FOXRED1: variants seen among roughly 807,000 people sequenced by gnomAD.
FOXRED1 encodes the protein FAD dependent oxidoreductase domain containing 1, also known as FAD-dependent oxidoreductase domain-containing protein 1.
A neutral mutation model predicts 57.8 loss-of-function variants in FOXRED1; 52 were observed. That is an observed-to-expected ratio of 0.90 (90% CI 0.72 to 1.13). The LOEUF (loss-of-function observed/expected upper bound fraction) is 1.13. Ranked by LOEUF, FOXRED1 falls within the 50% of genes most tolerant of loss-of-function variation. The pLI is 0.00. For synonymous variants in FOXRED1, 271 were observed against 248.3 expected (o/e 1.09, Z -0.86); for missense variants, 589 against 625.2 (o/e 0.94, Z 0.62).
At chr11:126,270,411 C>T (rs1950950313) in intron 1 of FOXRED1, among the ~76,000 whole-genome samples, 1 of 152,218 alleles carries the variant, frequency 6.6e-6, no homozygotes, top group African/African-American at 2.4e-5. Context: ...AAGGTAAACA[C>T]AGCCTCCCCC....
rs1591551962 is a variant in FOXRED1 at position 126,275,086 on chromosome 11, T to C, written c.631+65T>C. ...GATGGAGACTAAGGGGTGCTACACG[T>C]TGGGAGTCTCGGTACTCCACAGCCA... is the stretch of plus-strand genomic sequence containing the variant. On this transcript the variant is annotated intron_variant, in intron 5 of 10. Coordinates refer to ENST00000263578, the MANE Select transcript of FOXRED1 (RefSeq NM_017547.4). This position sits in a 1 kb window ranked among gnomAD's most constrained non-coding sequence, Gnocchi z 5.9. 3.5e-6 allele frequency: 4 copies of C among 1,126,862 alleles called. No individual in the cohort carries two copies. The highest frequency in any genetic ancestry group is 5.4e-6 in the Non-Finnish European group (4 of 738,124). The allele number at this position is 1,126,862 out of a possible 1,614,324, so 69.8% of individuals were successfully genotyped here.
In FOXRED1 at chr11:126,273,163, C is replaced by T; in HGVS notation, c.417+84C>T. The T allele has an allele frequency of 9.9e-7, 1 of 1,008,152 alleles. No individual in the cohort carries two copies. The highest frequency in any genetic ancestry group is 1.7e-5 in the Admixed American group (1 of 59,132). The allele number at this position is 1,008,152 out of a possible 1,614,324, so 62.5% of individuals were successfully genotyped here. On this transcript the variant is annotated intron_variant, in intron 3 of 10. Coordinates refer to ENST00000263578, the MANE Select transcript of FOXRED1 (RefSeq NM_017547.4). The surrounding 1 kb of genome is among the most constrained non-coding windows in gnomAD (Gnocchi z 5.9). ...GGAGCAGCCCAGCTAGCAAGGTAGC[C>T]AGAGAGCAAGAATGGGTCAGCCAAC...
Position 126,277,111 on chromosome 11 carries a change from A to G in FOXRED1, c.1142A>G (p.Asp381Gly). 2.5e-6 allele frequency: 4 copies of G among 1,613,534 alleles called. No individual in the cohort carries two copies. Among genetic ancestry groups the G allele is most frequent in the Non-Finnish European group, 3.4e-6 (4 of 1,179,862 alleles). The change falls in exon 10 of 11, where the codon GAT becomes GGT. Residue 381 changes from aspartate to glycine, a missense_variant. By Grantham distance (94) the Asp-to-Gly change is moderately conservative. Transcript: ENST00000263578. This position sits in a 1 kb window ranked among gnomAD's most constrained non-coding sequence, Gnocchi z 6.8. ...CCGGCGAACCTGGAAGTGGACCATG[A>G]TTTCTTCCAGGACAAGGTGTGGCCC... is the stretch of plus-strand genomic sequence containing the variant. ...PDPANLEVDH[D>G]FFQDKVWPHL...
chr11:126,274,807 G>T lies in FOXRED1; in HGVS notation c.537-120G>T. The T allele has an allele frequency of 1.3e-6, 1 of 767,512 alleles. No individual in the cohort carries two copies. The highest frequency in any genetic ancestry group is 2.4e-6 in the Non-Finnish European group (1 of 414,558). 47.5% of individuals were successfully genotyped at this position (767,512 alleles called of 1,614,324 possible). A position where few individuals can be genotyped will look rare whatever the true frequency, so the allele number is the denominator to read the frequency against. ...GCAATGAGGAAAAATAGGGGCATTT[G>T]GGGCAGAGAAGTGACATGACTGAGC... On this transcript the variant is annotated intron_variant, in intron 4 of 10. Transcript: ENST00000263578. This position sits in a 1 kb window ranked among gnomAD's most constrained non-coding sequence, Gnocchi z 4.8.
intron 1 of FOXRED1, among the ~76,000 whole-genome samples, chr11:126,269,753 G>A (rs1287075728): frequency 6.6e-6 from 1 of 152,026 alleles, no homozygotes; most frequent in Non-Finnish European, 1.5e-5. Context: ...TTGGGAGGTC[G>A]AGGCGGGTGG....
chr11:126,272,495 G>A lies in FOXRED1; in HGVS notation c.307-474G>A, dbSNP rs1045613112. ...TTTTGTAGAAATGGGGTTTTGCCACGTTGCCCAGCTGGTCTCAGATTCCTG... is the reference window on the plus strand; with the variant it reads ...TTTTGTAGAAATGGGGTTTTGCCACATTGCCCAGCTGGTCTCAGATTCCTG... On this transcript the variant is annotated intron_variant, in intron 2 of 10. Coordinates refer to ENST00000263578, the MANE Select transcript of FOXRED1 (RefSeq NM_017547.4). This position sits in a 1 kb window ranked among gnomAD's most constrained non-coding sequence, Gnocchi z 4.6. 4.3e-5 allele frequency: 10 copies of A among 230,638 alleles called. No homozygotes were observed. The highest frequency in any genetic ancestry group is 1.2e-4 in the African/African-American group (5 of 43,264). The allele number at this position is 230,638 out of a possible 1,614,324, so 14.3% of individuals were successfully genotyped here. A position where few individuals can be genotyped will look rare whatever the true frequency, so the allele number is the denominator to read the frequency against.
Position 126,272,960 on chromosome 11 carries a change from T to C in FOXRED1, c.307-9T>C, listed in dbSNP as rs747641223. The stretch of plus-strand genomic sequence containing the variant: ...CTGGTCTACCTCAACTTTTCTTGTC[T>C]TTCCACAGTATTCACAGGCCTCCAC... On this transcript the variant is annotated splice_polypyrimidine_tract_variant and intron_variant, in intron 2 of 10. Transcript: ENST00000263578. The surrounding 1 kb of genome is among the most constrained non-coding windows in gnomAD (Gnocchi z 4.6). 7.0e-7 allele frequency: 1 copy of C among 1,432,852 alleles called. No individual in the cohort carries two copies. Among genetic ancestry groups the C allele is most frequent in the East Asian group, 2.3e-5 (1 of 44,048 alleles). 88.8% of individuals were successfully genotyped at this position (1,432,852 alleles called of 1,614,324 possible). A position where few individuals can be genotyped will look rare whatever the true frequency, so the allele number is the denominator to read the frequency against.
Position 126,275,764 on chromosome 11 carries a change from A to C in FOXRED1, c.734-30A>C. 1 of 1,455,044 alleles carries C rather than the reference A, an allele frequency of 6.9e-7. No homozygotes were observed. Among genetic ancestry groups the C allele is most frequent in the Non-Finnish European group, 9.7e-7 (1 of 1,035,754 alleles). 90.1% of individuals were successfully genotyped at this position (1,455,044 alleles called of 1,614,324 possible). ...CATTTCATTCCTCTTCAGCACCTCTACGGCCTATTTTTCATTTTCTTCTCT... is the reference window on the plus strand; with the variant it reads ...CATTTCATTCCTCTTCAGCACCTCTCCGGCCTATTTTTCATTTTCTTCTCT... On this transcript the variant is annotated intron_variant, in intron 6 of 10. Coordinates refer to ENST00000263578, the MANE Select transcript of FOXRED1 (RefSeq NM_017547.4). This position sits in a 1 kb window ranked among gnomAD's most constrained non-coding sequence, Gnocchi z 5.9.
chr11:126,276,132 C>A lies in FOXRED1; in HGVS notation c.884C>A (p.Ser295Tyr), dbSNP rs888954197. Reference sequence around the variant, plus strand: ...GTGATCAACGCAGCCGGAGCCTGGTCTGCGCAAATCGCAGCACTGGCTGGT... The same window carrying A: ...GTGATCAACGCAGCCGGAGCCTGGTATGCGCAAATCGCAGCACTGGCTGGT... ...AIVINAAGAWSAQIAALAGVG... is the reference protein window; with the variant it reads ...AIVINAAGAWYAQIAALAGVG... Residue 295 changes from serine (S) to tyrosine (Y), a missense_variant, in exon 8 of 11, where the codon TCT becomes TAT. Coordinates refer to ENST00000263578, the MANE Select transcript of FOXRED1 (RefSeq NM_017547.4). The A allele has an allele frequency of 1.2e-6, 2 of 1,612,410 alleles. No homozygotes were observed. Among genetic ancestry groups the A allele is most frequent in the Non-Finnish European group, 1.7e-6 (2 of 1,179,880 alleles).
intron 9 of FOXRED1, chr11:126,276,833 G>T (rs1035658069): frequency 2.0e-6 from 1 of 503,738 alleles, no homozygotes; most frequent in Non-Finnish European, 3.6e-6. Flanking sequence ...CCAAGATTGC[G>T]CCATTGCACT....
chr11:126,277,538 T>A lies in FOXRED1; in HGVS notation c.1310T>A (p.Phe437Tyr). Residue 437 changes from phenylalanine to tyrosine, a missense_variant, in exon 11 of 11, where the codon TTC (phenylalanine) becomes TAC (tyrosine). Transcript: ENST00000263578. The surrounding 1 kb of genome is among the most constrained non-coding windows in gnomAD (Gnocchi z 6.8). ...LVVNMYFATGFSGHGLQQAPG... is the reference protein window; with the variant it reads ...LVVNMYFATGYSGHGLQQAPG... ...GTCAACATGTACTTTGCTACTGGCT[T>A]CAGTGGTCACGGGCTCCAGCAGGCC... is the stretch of plus-strand genomic sequence containing the variant. The A allele has an allele frequency of 6.2e-7, 1 of 1,613,756 alleles. No individual in the cohort carries two copies. The highest frequency in any genetic ancestry group is 8.5e-7 in the Non-Finnish European group (1 of 1,180,028).
chr11:126,277,451 C>A lies in FOXRED1; in HGVS notation c.1223C>A (p.Ala408Asp). 6.2e-7 allele frequency: 1 copy of A among 1,613,128 alleles called. No homozygotes were observed. The highest frequency in any genetic ancestry group is 8.5e-7 in the Non-Finnish European group (1 of 1,179,972). ...FETLKVQSAW[A>D]GYYDYNTFDQ... ...CACCCGCAGGTTCAGAGCGCCTGGG[C>A]CGGCTATTACGACTACAACACCTTT... The change falls in exon 11 of 11, where the codon GCC (alanine) becomes GAC (aspartate). Residue 408 changes from alanine (A) to aspartate (D), a missense_variant. Physicochemically the swap from Ala to Asp is moderately radical, Grantham distance 126 (BLOSUM62 -2). Coordinates refer to ENST00000263578, the MANE Select transcript of FOXRED1 (RefSeq NM_017547.4). The surrounding 1 kb of genome is among the most constrained non-coding windows in gnomAD (Gnocchi z 6.8).
In FOXRED1 at chr11:126,271,594, G is replaced by T; in HGVS notation, c.243G>T (p.Trp81Cys). 1.2e-6 allele frequency: 2 copies of T among 1,614,200 alleles called. No individual in the cohort carries two copies. The highest frequency in any genetic ancestry group is 1.7e-6 in the Non-Finnish European group (2 of 1,180,034). Residue 81 changes from tryptophan to cysteine, a missense_variant, in exon 2 of 11, where the codon TGG becomes TGT. Coordinates refer to ENST00000263578, the MANE Select transcript of FOXRED1 (RefSeq NM_017547.4). The surrounding 1 kb of genome is among the most constrained non-coding windows in gnomAD (Gnocchi z 5.3). ...GGVLGLSVAY[W>C]LKKLESRRGA... ...TGCTTGGCTTGTCTGTGGCCTATTG[G>T]CTGAAGAAGCTGGAGAGCAGACGAG...
chr11:126,276,026 G>A (rs1951118938), intron 7 of FOXRED1, 33 bp from the exon 8 acceptor site: 1 of 1,612,766 alleles, frequency 6.2e-7, no homozygotes, highest in African/African-American at 1.3e-5. Context: ...TGTGGTCCGG[G>A]CCTTCCCACT....
chr11:126,272,286 G>C lies in FOXRED1; in HGVS notation c.306+629G>C, dbSNP rs1019985856. ...CCTCAACTTGCTTCTTTTGGGTCCC[G>C]TTACTTCTGAGGTTTTTTGCATTTT... On this transcript the variant is annotated intron_variant, in intron 2 of 10. Coordinates refer to ENST00000263578, the MANE Select transcript of FOXRED1 (RefSeq NM_017547.4). This position sits in a 1 kb window ranked among gnomAD's most constrained non-coding sequence, Gnocchi z 4.6. Among the ~76,000 whole-genome samples the C allele has an allele frequency of 6.7e-6, 1 of 150,108 alleles. No individual in the cohort carries two copies. Among genetic ancestry groups the C allele is most frequent in the Admixed American group, 6.7e-5 (1 of 15,004 alleles).
chr11:126,272,262 C>T lies in FOXRED1; in HGVS notation c.306+605C>T, dbSNP rs1267558251. Among the ~76,000 whole-genome samples the T allele has an allele frequency of 6.7e-6, 1 of 150,150 alleles. No homozygotes were observed. Among genetic ancestry groups the T allele is most frequent in the Admixed American group, 6.6e-5 (1 of 15,118 alleles). ...CAGGCATGAGCCACCATTCCCAGCC[C>T]TCAACTTGCTTCTTTTGGGTCCCGT... On this transcript the variant is annotated intron_variant, in intron 2 of 10. Coordinates refer to ENST00000263578, the MANE Select transcript of FOXRED1 (RefSeq NM_017547.4). This position sits in a 1 kb window ranked among gnomAD's most constrained non-coding sequence, Gnocchi z 4.6.
rs780468984 is a variant in FOXRED1 at position 126,276,027 on chromosome 11, C to A, written c.811-32C>A. 3.7e-5 allele frequency: 59 copies of A among 1,612,600 alleles called. 1 individual carries two copies. The highest frequency in any genetic ancestry group is 1.7e-4 in the Middle Eastern group (1 of 6,058). On this transcript the variant is annotated intron_variant, in intron 7 of 10. Coordinates refer to ENST00000263578, the MANE Select transcript of FOXRED1 (RefSeq NM_017547.4). Reference sequence around the variant, plus strand: ...CAGGGTGCCTGGTGTGTGGTCCGGGCCTTCCCACTCCTCACCCTCTGGTGT... The same window carrying A: ...CAGGGTGCCTGGTGTGTGGTCCGGGACTTCCCACTCCTCACCCTCTGGTGT...
At position 126,277,793 on chromosome 11, in the gene FOXRED1, C is replaced by G. The variant is rs547434222; in HGVS notation, c.*104C>G. On this transcript the variant is annotated 3_prime_UTR_variant, in exon 11 of 11. Coordinates refer to ENST00000263578, the MANE Select transcript of FOXRED1 (RefSeq NM_017547.4). The surrounding 1 kb of genome is among the most constrained non-coding windows in gnomAD (Gnocchi z 6.8). ...CAGTACTGTGCCAGGCCTTCTCCCC[C>G]TCCCCAGTGTCCTCTCCTCTCAGGC... 25 of 1,280,204 alleles carry G rather than the reference C, an allele frequency of 2.0e-5. No homozygotes were observed. The highest frequency in any genetic ancestry group is 4.6e-5 in the East Asian group (2 of 43,264). The allele number at this position is 1,280,204 out of a possible 1,614,324, so 79.3% of individuals were successfully genotyped here.
intron 9 of FOXRED1, 91 bp downstream of exon 9, chr11:126,276,614 G>A: frequency 6.9e-7 from 1 of 1,447,168 alleles, no homozygotes; most frequent in Non-Finnish European, 9.6e-7. Context: ...AGTAGCTCAT[G>A]CCTGTAATCT....
Sources: gnomAD v4.1 joint callset for allele counts (sites outside exome capture counted in the v4.1 genomes callset) on GRCh38, gnomAD v4.1.1 for gene constraint, Gnocchi (gnomAD v3.1) non-coding constraint, MANE v1.5 for transcripts, NCBI Gene and HGNC (gene_info 2026-07-23, HGNC 2026-07-21) for gene names.